DRC3: variants seen among roughly 807,000 people sequenced by gnomAD.
DRC3 encodes the protein dynein regulatory complex subunit 3, also known as leucine rich repeat containing 48.
A neutral mutation model predicts 57.6 loss-of-function variants in DRC3; 45 were observed. The observed-to-expected ratio is 0.78, with a 90% confidence interval of 0.62 to 1.00. DRC3 has a LOEUF of 1.00. Ranked by LOEUF, DRC3 falls within the 50% of genes least tolerant of loss-of-function variation. DRC3 has a pLI of 0.00. For missense variants in DRC3, 655 were observed against 675.2 expected (o/e 0.97, Z 0.33); for synonymous variants, 257 against 272.3 (o/e 0.94, Z 0.55).
intron 11 of DRC3, 61 bp downstream of exon 11, chr17:18,006,314 C>T (rs2043949655): frequency 2.0e-5 from 25 of 1,243,686 alleles, no homozygotes; most frequent in African/African-American, 1.5e-5. Context: ...GGGCTTGTCC[C>T]GGCCTCTGGA....
intron 13 of DRC3, 61 bp from the exon 14 acceptor site, chr17:18,016,497 C>A: frequency 8.1e-7 from 1 of 1,229,916 alleles, no homozygotes; most frequent in Non-Finnish European, 1.2e-6. Flanking sequence ...AAACTGGATT[C>A]AGTGAAAGAT....
chr17:18,011,596 T>A (rs2044170416), intron 12 of DRC3: 1 of 169,290 alleles, frequency 5.9e-6, no homozygotes, highest in African/African-American at 2.4e-5. Flanking sequence ...GCTGCTGATG[T>A]CCAGTATTGA....
At chr17:18,000,368 G>A (rs528626904) in intron 9 of DRC3, among the ~76,000 whole-genome samples, 26 of 152,022 alleles carry the variant, frequency 1.7e-4, no homozygotes, top group African/African-American at 6.3e-4. Context: ...GTGTGTGTGT[G>A]TGTGTGTGTG....
intron 9 of DRC3, among the ~76,000 whole-genome samples, chr17:18,000,379 T>C (rs915489454): frequency 6.6e-6 from 1 of 152,004 alleles, no homozygotes; most frequent in East Asian, 1.9e-4. Context: ...TGTGTGTGTG[T>C]GTGCATAGCA....
chr17:17,983,683 C>G, intron 3 of DRC3, 145 bp from the exon 4 acceptor site: 1 of 577,534 alleles, frequency 1.7e-6, no homozygotes, highest in African/African-American at 1.9e-5. Context: ...CGATGCTCAG[C>G]CGACATCTCC....
At chr17:17,994,682 C>T (rs2043383463) in intron 7 of DRC3, among the ~76,000 whole-genome samples, 2 of 152,180 alleles carry the variant, frequency 1.3e-5, no homozygotes, top group African/African-American at 4.8e-5. Context: ...AACAGTCTGT[C>T]AGAGGCCCCT....
At position 18,008,262 on chromosome 17, in the gene DRC3, G is replaced by A. The variant is rs1248663488; in HGVS notation, c.1326+1115G>A. 6.6e-6 allele frequency among the ~76,000 whole-genome samples: 1 copy of A among 152,162 alleles called. No individual in the cohort carries two copies. The highest frequency in any genetic ancestry group is 1.5e-5 in the Non-Finnish European group (1 of 68,044). On this transcript the variant is annotated intron_variant, in intron 12 of 13. Coordinates refer to ENST00000399187, the MANE Select transcript of DRC3 (RefSeq NM_031294.4). The surrounding 1 kb of genome is among the most constrained non-coding windows in gnomAD (Gnocchi z 4.3). ...ATTTCAGCTTGACTATCAGCTCTTG[G>A]GAGAGGCCTTTCTTCATCAACTTCC...
intron 9 of DRC3, among the ~76,000 whole-genome samples, chr17:18,000,315 T>C (rs199626878): frequency 4.4e-4 from 54 of 121,746 alleles, no homozygotes; most frequent in East Asian, 3.0e-3. Context: ...TGTGTGTGTG[T>C]GCGCGCATAG....
intron 8 of DRC3, among the ~76,000 whole-genome samples, chr17:17,996,563 G>A (rs2043467035): frequency 1.3e-5 from 2 of 152,124 alleles, no homozygotes; most frequent in Non-Finnish European, 2.9e-5. Flanking sequence ...CACAACACAT[G>A]GGAATTATGG....
intron 3 of DRC3, among the ~76,000 whole-genome samples, chr17:17,983,139 C>T (rs1283441038): frequency 6.6e-6 from 1 of 152,180 alleles, no homozygotes; most frequent in Non-Finnish European, 1.5e-5. Flanking sequence ...GTGGGTGGTC[C>T]TCACAGGCCA....
chr17:17,992,540 C>T (rs2043278998), intron 5 of DRC3, among the ~76,000 whole-genome samples: 1 of 152,126 alleles, frequency 6.6e-6, no homozygotes, highest in Non-Finnish European at 1.5e-5. Flanking sequence ...CAGACCTGAA[C>T]CATGGTCTGC....
chr17:17,981,971 T>C (rs2042713357), intron 3 of DRC3, among the ~76,000 whole-genome samples: 1 of 151,290 alleles, frequency 6.6e-6, no homozygotes, highest in Non-Finnish European at 1.5e-5. Context: ...TACAGGTGTG[T>C]GCCACCATGC....
At chr17:17,977,269 T>G in intron 2 of DRC3, 1 of 312,172 alleles carries the variant, frequency 3.2e-6, no homozygotes, top group Non-Finnish European at 6.1e-6. Flanking sequence ...GCCACAGTCA[T>G]AAGATGAGTC....
Position 17,983,426 on chromosome 17 carries a change from C to T in DRC3, c.161-402C>T, listed in dbSNP as rs191381638. ...TCCTACCAACAGAGACACATGTTTTCATTCTATTTATCACACTGTGGAAGG... is the reference window on the plus strand; with the variant it reads ...TCCTACCAACAGAGACACATGTTTTTATTCTATTTATCACACTGTGGAAGG... On this transcript the variant is annotated intron_variant, in intron 3 of 13. Transcript: ENST00000399187. Among the ~76,000 whole-genome samples, 155 of 152,300 alleles carry T rather than the reference C, an allele frequency of 1.0e-3. 1 individual carries two copies. Among genetic ancestry groups the T allele is most frequent in the African/African-American group, 3.4e-3 (143 of 41,566 alleles).
In DRC3 at chr17:17,992,811, C is replaced by T. The variant is rs761260556; in HGVS notation, c.491C>T (p.Ser164Phe). Residue 164 changes from serine (S) to phenylalanine (F), a missense_variant, in exon 6 of 14, where the codon TCT becomes TTT. Transcript: ENST00000399187. The stretch of plus-strand genomic sequence containing the variant: ...AAGTGCCTGCGGACGCTCAGCCTCT[C>T]TAGGAACCCTATCTCTGAGGCAGAG... Reference protein sequence around the residue: ...RFKCLRTLSLSRNPISEAEDY... With the variant: ...RFKCLRTLSLFRNPISEAEDY... 9.1e-5 allele frequency: 147 copies of T among 1,613,730 alleles called. No homozygotes were observed. The highest frequency in any genetic ancestry group is 1.2e-4 in the Non-Finnish European group (144 of 1,179,804).
At chr17:17,998,034 ACT>A (rs1208881340) in intron 9 of DRC3, among the ~76,000 whole-genome samples, 1 of 151,802 alleles carries the variant, frequency 6.6e-6, no homozygotes, top group Non-Finnish European at 1.5e-5. Flanking sequence ...TCTGAGCTCT[ACT>A]CTCTGCCTGA....
intron 8 of DRC3, among the ~76,000 whole-genome samples, chr17:17,996,295 C>T (rs558761095): frequency 2.6e-5 from 4 of 152,324 alleles, no homozygotes; most frequent in South Asian, 2.1e-4. Flanking sequence ...GGATTACAGG[C>T]GTGAGCCACC....
chr17:18,015,840 G>C, intron 12 of DRC3: 1 of 502,080 alleles, frequency 2.0e-6, no homozygotes, highest in Non-Finnish European at 3.6e-6. Flanking sequence ...TAACACCCTG[G>C]TTGGCCCTTT....
intron 5 of DRC3, among the ~76,000 whole-genome samples, chr17:17,991,436 G>A (rs62072048): frequency 0.4 from 60,569 of 150,798 alleles, 13,281 homozygotes; most frequent in East Asian, 0.87. Context: ...GACTATAGGC[G>A]CCTGCCACCA....
Sources: allele counts gnomAD v4.1 joint callset (sites outside exome capture counted in the v4.1 genomes callset), GRCh38; gene constraint gnomAD v4.1.1; non-coding constraint Gnocchi (gnomAD v3.1); transcripts MANE v1.5; gene names NCBI Gene and HGNC (gene_info 2026-07-23, HGNC 2026-07-21).